Variants in SMTNL1 observed in about 807,000 individuals in gnomAD.
SMTNL1 encodes the protein smoothelin like 1.
SMTNL1 carries 41 observed loss-of-function variants against 46.6 expected under a neutral mutation model. That is an observed-to-expected ratio of 0.88 (90% CI 0.69 to 1.14). The LOEUF is 1.14. SMTNL1 is among the 50% of genes most tolerant of loss of function. SMTNL1 has a pLI of 0.00. For missense variants in SMTNL1, 591 were observed against 626.1 expected (o/e 0.94, Z 0.60); for synonymous variants, 234 against 234.2 (o/e 1.00, Z 0.01).
In SMTNL1 at chr11:57,543,583, G is replaced by A. The variant is rs371091523; in HGVS notation, c.733-41G>A. On this transcript the variant is annotated intron_variant, in intron 2 of 7. Coordinates refer to ENST00000527972, the MANE Select transcript of SMTNL1 (RefSeq NM_001105565.3). ...AAGTCCTCATGAAGCCAGGGCAGGTGCTGTGTGACCATGAGCTCACGCAGA... is the reference window on the plus strand; with the variant it reads ...AAGTCCTCATGAAGCCAGGGCAGGTACTGTGTGACCATGAGCTCACGCAGA... 1.1e-5 allele frequency: 17 copies of A among 1,593,364 alleles called. No homozygotes were observed. The African/African-American group carries it at 1.9e-4, about 18-fold the overall frequency.
intron 5 of SMTNL1, 50 bp downstream of exon 5, chr11:57,546,086 G>T (rs1475424112): frequency 6.5e-7 from 1 of 1,535,582 alleles, no homozygotes; most frequent in Non-Finnish European, 8.8e-7. Flanking sequence ...GGAACCCTGG[G>T]TTGGTGGGAG....
intron 4 of SMTNL1, among the ~76,000 whole-genome samples, chr11:57,545,036 C>T (rs1403851754): frequency 6.6e-6 from 1 of 151,938 alleles, no homozygotes; most frequent in East Asian, 2.0e-4. Flanking sequence ...AGGGTTTCAC[C>T]ATGTTGGCCA....
intron 4 of SMTNL1, among the ~76,000 whole-genome samples, chr11:57,545,570 A>T (rs556417428): frequency 6.7e-6 from 1 of 149,920 alleles, no homozygotes; most frequent in South Asian, 2.1e-4. Context: ...ACACCACTGC[A>T]CTCCAGCCTG....
Position 57,543,334 on chromosome 11 carries a change from A to T in SMTNL1, c.692A>T (p.Glu231Val), listed in dbSNP as rs1944896536. 2 of 1,613,818 alleles carry T rather than the reference A, an allele frequency of 1.2e-6. No individual in the cohort carries two copies. The highest frequency in any genetic ancestry group is 1.3e-5 in the African/African-American group (1 of 74,928). ...KEEAKHGAKE[E>V]ADAKEEAEDA... is the part of the protein sequence containing the mutation. ...GAGGCCAAACATGGTGCAAAAGAGGAGGCTGATGCAAAAGAGGAGGCGGAG... is the reference window on the plus strand; with the variant it reads ...GAGGCCAAACATGGTGCAAAAGAGGTGGCTGATGCAAAAGAGGAGGCGGAG... Residue 231 changes from glutamate (E) to valine (V), a missense_variant, in exon 2 of 8, where the codon GAG (glutamate) becomes GTG (valine). By Grantham distance (121) the Glu-to-Val change is moderately radical (BLOSUM62 -2). Coordinates refer to ENST00000527972, the MANE Select transcript of SMTNL1 (RefSeq NM_001105565.3).
chr11:57,548,653 G>A (rs548707147), intron 7 of SMTNL1, among the ~76,000 whole-genome samples: 8 of 152,230 alleles, frequency 5.3e-5, no homozygotes, highest in Non-Finnish European at 1.2e-4. Context: ...CTGGGCAACA[G>A]AGCAAGACTC....
chr11:57,541,389 A>G (rs1057483318), intron 1 of SMTNL1: 3 of 711,100 alleles, frequency 4.2e-6, no homozygotes, highest in South Asian at 2.0e-5. Flanking sequence ...CCCCCCAAAA[A>G]GGGCAGGAGC....
chr11:57,541,497 T>C, intron 1 of SMTNL1: 1 of 1,367,316 alleles, frequency 7.3e-7, no homozygotes, highest in Non-Finnish European at 9.8e-7. Flanking sequence ...GATGTCATAA[T>C]CTACCCCCAT....
intron 5 of SMTNL1, 92 bp from the exon 6 acceptor site, chr11:57,546,141 G>A (rs1326612626): frequency 6.6e-7 from 1 of 1,511,030 alleles, no homozygotes; most frequent in Non-Finnish European, 8.9e-7. Flanking sequence ...AAGGCAGGAG[G>A]ACTGACACCT....
In SMTNL1 at chr11:57,541,112, A is replaced by G. The variant is rs191427407; in HGVS notation, c.-2-1529A>G. 2.0e-5 allele frequency among the ~76,000 whole-genome samples: 3 copies of G among 152,286 alleles called. No homozygotes were observed. The East Asian group carries it at 5.8e-4, about 29-fold the overall frequency. ...TGAGCATCTTTACAAATCCCAGCCT[A>G]CTTTTAGGAAATAGTGAGGGCATCG... On this transcript the variant is annotated intron_variant, in intron 1 of 7. Transcript: ENST00000527972.
intron 7 of SMTNL1, among the ~76,000 whole-genome samples, chr11:57,547,374 G>A (rs940492397): frequency 6.6e-6 from 1 of 152,214 alleles, no homozygotes; most frequent in African/African-American, 2.4e-5. Flanking sequence ...GCATCAGGCA[G>A]CTGAAAGCCC....
intron 5 of SMTNL1, 37 bp downstream of exon 5, chr11:57,546,073 A>G (rs2135265842): frequency 6.5e-7 from 1 of 1,540,756 alleles, no homozygotes; most frequent in African/African-American, 1.4e-5. Flanking sequence ...GGGCTTTCCC[A>G]TAGGAACCCT....
chr11:57,544,856 A>ATTT (rs1944909577), intron 4 of SMTNL1, among the ~76,000 whole-genome samples: 1 of 85,926 alleles, frequency 1.2e-5, no homozygotes, highest in African/African-American at 4.7e-5. Flanking sequence ...TTTTTTTTTG[A>ATTT]GATGGAGTCT....
rs1273552962 is a variant in SMTNL1, at chr11:57,546,482, T to A, written c.1189-19T>A. On this transcript the variant is annotated intron_variant, in intron 6 of 7. Coordinates refer to ENST00000527972, the MANE Select transcript of SMTNL1 (RefSeq NM_001105565.3). ...GGCTGAGCCTCACTGAGGCCTCCTC[T>A]GTGCCCTGCCTGCCATAGCATGTGG... 6.2e-7 allele frequency: 1 copy of A among 1,613,846 alleles called. No individual in the cohort carries two copies. Among genetic ancestry groups the A allele is most frequent in the Non-Finnish European group, 8.5e-7 (1 of 1,179,890 alleles).
intron 5 of SMTNL1, 50 bp downstream of exon 5, chr11:57,546,086 G>C: frequency 2.6e-6 from 4 of 1,535,582 alleles, no homozygotes; most frequent in Non-Finnish European, 3.5e-6. Context: ...GGAACCCTGG[G>C]TTGGTGGGAG....
chr11:57,542,114 ACAC>A (rs1408043887), intron 1 of SMTNL1, among the ~76,000 whole-genome samples: 1 of 89,836 alleles, frequency 1.1e-5, no homozygotes, highest in Non-Finnish European at 2.3e-5. Flanking sequence ...CAAAAAAAAA[ACAC>A]ACACACACAC....
chr11:57,545,405 G>C (rs1358530291), intron 4 of SMTNL1, among the ~76,000 whole-genome samples: 2 of 151,566 alleles, frequency 1.3e-5, no homozygotes, highest in Non-Finnish European at 2.9e-5. Context: ...AGGTGTTTGA[G>C]ACCAGCCTGG....
At chr11:57,539,768 G>A (rs569491177) in intron 1 of SMTNL1, among the ~76,000 whole-genome samples, 10 of 152,272 alleles carry the variant, frequency 6.6e-5, no homozygotes, top group South Asian at 2.1e-4. Context: ...GTGCCGCCAC[G>A]TCTGGCTCCA....
At position 57,550,085 on chromosome 11, in the gene SMTNL1, A is replaced by T. The variant is rs1471916516; in HGVS notation, c.1458A>T (p.Lys486Asn). The stretch of plus-strand genomic sequence containing the variant: ...AACTGTACCGCAGCCTTGTGCAGAA[A>T]GGACTGGTGAAGACCAAGAAGAAGT... ...IQELYRSLVQ[K>N]GLVKTKKK Residue 486 changes from lysine (K) to asparagine (N), a missense_variant, in exon 8 of 8, where the codon AAA (lysine) becomes AAT (asparagine). Coordinates refer to ENST00000527972, the MANE Select transcript of SMTNL1 (RefSeq NM_001105565.3). 3 of 1,613,600 alleles carry T rather than the reference A, an allele frequency of 1.9e-6. No individual in the cohort carries two copies. The Admixed American group carries it at 5.0e-5, about 27-fold the overall frequency.
Position 57,543,187 on chromosome 11 carries a change from G to C in SMTNL1, c.545G>C (p.Arg182Thr). 1 of 1,613,896 alleles carries C rather than the reference G, an allele frequency of 6.2e-7. No homozygotes were observed. Among genetic ancestry groups the C allele is most frequent in the Non-Finnish European group, 8.5e-7 (1 of 1,179,846 alleles). The change falls in exon 2 of 8, where the codon AGG (arginine) becomes ACG (threonine). Residue 182 changes from arginine to threonine, a missense_variant. Coordinates refer to ENST00000527972, the MANE Select transcript of SMTNL1 (RefSeq NM_001105565.3). The part of the protein sequence containing the change: ...KTASQEETGQ[R>T]KECSTEPKEK... The stretch of plus-strand genomic sequence containing the variant: ...GCCTCTCAGGAGGAGACAGGCCAGA[G>C]GAAAGAGTGCAGCACTGAACCCAAG...
Sources: gnomAD v4.1 joint callset for allele counts (sites outside exome capture counted in the v4.1 genomes callset) on GRCh38, gnomAD v4.1.1 for gene constraint, MANE v1.5 for transcripts, NCBI Gene and HGNC (gene_info 2026-07-23, HGNC 2026-07-21) for gene names.